Variants in KHDRBS3 observed in about 807,000 individuals in gnomAD.
The protein encoded by KHDRBS3 is KH RNA binding domain containing, signal transduction associated 3, also known as KH domain-containing, RNA-binding, signal transduction-associated protein 3.
A neutral mutation model predicts 45.6 loss-of-function variants in KHDRBS3; 23 were observed. That is an observed-to-expected ratio of 0.50 (90% CI 0.36 to 0.72). KHDRBS3 has a LOEUF of 0.72. Ranked by LOEUF, KHDRBS3 falls within the 30% of genes least tolerant of loss-of-function variation. The probability of loss-of-function intolerance (pLI) is 0.00; values close to 1 mark genes in which losing one functional copy is unlikely to be tolerated. For missense variants in KHDRBS3, 352 were observed against 424.8 expected (o/e 0.83, Z 1.51); for synonymous variants, 162 against 156.5 (o/e 1.04, Z -0.26).
intron 7 of KHDRBS3, among the ~76,000 whole-genome samples, chr8:135,620,457 C>T (rs1830092291): frequency 6.6e-6 from 1 of 152,120 alleles, no homozygotes; most frequent in Non-Finnish European, 1.5e-5. Flanking sequence ...TCAGGTCACT[C>T]ACTCATGTAA....
intron 4 of KHDRBS3, among the ~76,000 whole-genome samples, chr8:135,552,281 T>C (rs79126047): frequency 0.046 from 7,043 of 152,174 alleles, 265 homozygotes; most frequent in East Asian, 0.18. Context: ...TGGTGTCTCA[T>C]GGATTTCTTA....
chr8:135,575,737 C>T (rs1348871405), intron 5 of KHDRBS3, among the ~76,000 whole-genome samples: 2 of 152,058 alleles, frequency 1.3e-5, no homozygotes, highest in East Asian at 3.9e-4. Context: ...TTCGTATATC[C>T]TGCATGTGGT....
rs549331160 is a variant in KHDRBS3 at position 135,563,406 on chromosome 8, C to T, written c.611+5819C>T. On this transcript the variant is annotated intron_variant, in intron 5 of 8. Transcript: ENST00000355849. ...CTCAGCATCGCATCCTCAGCATACA[C>T]GGTCAGAGAAGCCCTTGCCGAGCAC... is the stretch of plus-strand genomic sequence containing the variant. Among the ~76,000 whole-genome samples the T allele has an allele frequency of 4.7e-4, 72 of 152,330 alleles. No individual in the cohort carries two copies. The South Asian group carries it at 0.014, about 30-fold the overall frequency.
At chr8:135,542,464 T>C in intron 2 of KHDRBS3, 190 bp from the exon 3 acceptor site, 1 of 497,540 alleles carries the variant, frequency 2.0e-6, no homozygotes, top group Non-Finnish European at 3.6e-6. Context: ...ATATCAGGGT[T>C]TTTTATTTTA....
At chr8:135,620,070 CTTT>C (rs750819164) in intron 7 of KHDRBS3, among the ~76,000 whole-genome samples, 4 of 136,870 alleles carry the variant, frequency 2.9e-5, no homozygotes, top group African/African-American at 2.7e-5. Flanking sequence ...TTAGCAAGGC[CTTT>C]TTTTTTTTTT....
At chr8:135,552,225 C>G (rs961498844) in intron 4 of KHDRBS3, among the ~76,000 whole-genome samples, 7 of 152,008 alleles carry the variant, frequency 4.6e-5, no homozygotes, top group African/African-American at 1.7e-4. Context: ...TTTCTACCCC[C>G]CACCACACCC....
intron 4 of KHDRBS3, among the ~76,000 whole-genome samples, chr8:135,553,548 A>G (rs1826721227): frequency 6.6e-6 from 1 of 152,204 alleles, no homozygotes; most frequent in African/African-American, 2.4e-5. Flanking sequence ...CCCTCAAATA[A>G]TGAACATTGA....
chr8:135,502,660 T>C (rs1245499318), intron 1 of KHDRBS3, among the ~76,000 whole-genome samples: 1 of 152,198 alleles, frequency 6.6e-6, no homozygotes, highest in African/African-American at 2.4e-5. Context: ...TTTATTGAGC[T>C]CAGCGATGCC....
rs1254651097 is a variant in KHDRBS3 at position 135,482,134 on chromosome 8, G to A, written c.88+24180G>A. Among the ~76,000 whole-genome samples, 7 of 152,178 alleles carry A rather than the reference G, an allele frequency of 4.6e-5. No homozygotes were observed. In the East Asian group the frequency reaches 1.3e-3, roughly 29 times the overall value. The stretch of plus-strand genomic sequence containing the variant: ...TTTTCAGAATTTGGAAAAGCTGTTG[G>A]AGAAGCACTTCTTTCTGGTTTTCTT... On this transcript the variant is annotated intron_variant, in intron 1 of 8. Transcript: ENST00000355849.
chr8:135,493,868 A>G (rs796115688), intron 1 of KHDRBS3, among the ~76,000 whole-genome samples: 9 of 152,282 alleles, frequency 5.9e-5, no homozygotes, highest in African/African-American at 2.2e-4. Context: ...ACATGAGTTC[A>G]CCAGTGAAGC....
At chr8:135,507,911 G>A (rs569004407) in intron 1 of KHDRBS3, among the ~76,000 whole-genome samples, 1 of 152,274 alleles carries the variant, frequency 6.6e-6, no homozygotes, top group African/African-American at 2.4e-5. Flanking sequence ...GTATATTTCT[G>A]CTGTAATTGT....
Position 135,479,529 on chromosome 8 carries a change from T to A in KHDRBS3, c.88+21575T>A, listed in dbSNP as rs61348869. Among the ~76,000 whole-genome samples, 26 of 152,296 alleles carry A rather than the reference T, an allele frequency of 1.7e-4. 1 individual carries two copies. In the East Asian group the frequency reaches 4.6e-3, roughly 27 times the overall value. ...GCTCAGAGTTCTGGAGGGTGGAAAGTCCAAGATTAAGGTGCTGAGAAATTC... is the reference window on the plus strand; with the variant it reads ...GCTCAGAGTTCTGGAGGGTGGAAAGACCAAGATTAAGGTGCTGAGAAATTC... On this transcript the variant is annotated intron_variant, in intron 1 of 8. Transcript: ENST00000355849.
At chr8:135,578,459 T>C (rs563861438) in intron 5 of KHDRBS3, among the ~76,000 whole-genome samples, 1 of 152,256 alleles carries the variant, frequency 6.6e-6, no homozygotes, top group South Asian at 2.1e-4. Flanking sequence ...CACTTGTTCC[T>C]ATACCATTTG....
chr8:135,572,830 A>G (rs947392203), intron 5 of KHDRBS3, among the ~76,000 whole-genome samples: 11 of 152,234 alleles, frequency 7.2e-5, no homozygotes, highest in African/African-American at 2.4e-4. Context: ...GTAAGAGACT[A>G]TAACTGTAGG....
At position 135,521,343 on chromosome 8, in the gene KHDRBS3, A is replaced by G; in HGVS notation, c.195A>G (p.Lys65=). ...GACAGAAAGTGTTAATTCCCGTAAA[A>G]CAGTTCCCTAAGGTAAGACAGTGAG... The part of the protein sequence containing the change: ...KLGQKVLIPV[K]QFPKFNFVGK... The change falls in exon 2 of 9, where the codon AAA becomes AAG. Residue 65 remains lysine, a synonymous_variant. Coordinates refer to ENST00000355849, the MANE Select transcript of KHDRBS3 (RefSeq NM_006558.3). The G allele has an allele frequency of 1.3e-6, 2 of 1,595,530 alleles. No individual in the cohort carries two copies. Among genetic ancestry groups the G allele is most frequent in the South Asian group, 2.2e-5 (2 of 90,628 alleles).
intron 5 of KHDRBS3, among the ~76,000 whole-genome samples, 165 bp downstream of exon 5, chr8:135,557,752 G>A (rs1369225164): frequency 3.9e-5 from 6 of 152,108 alleles, no homozygotes; most frequent in East Asian, 1.9e-4. Context: ...CCAGGAGTTC[G>A]AGGCCATGGT....
chr8:135,547,486 C>T (rs1315025253), intron 3 of KHDRBS3, among the ~76,000 whole-genome samples: 1 of 152,164 alleles, frequency 6.6e-6, no homozygotes, highest in Non-Finnish European at 1.5e-5. Flanking sequence ...TCTAAACTCA[C>T]ATGGCTAGTG....
intron 7 of KHDRBS3, among the ~76,000 whole-genome samples, chr8:135,611,692 C>G (rs941824731): frequency 1.3e-5 from 2 of 151,980 alleles, no homozygotes; most frequent in Non-Finnish European, 2.9e-5. Flanking sequence ...AGAACCCACT[C>G]TAAAGGCCTC....
At chr8:135,597,586 A>T (rs979477783) in intron 6 of KHDRBS3, among the ~76,000 whole-genome samples, 2 of 151,904 alleles carry the variant, frequency 1.3e-5, no homozygotes, top group African/African-American at 4.8e-5. Flanking sequence ...CTTATATACC[A>T]TATATTTTGC....
Sources: gnomAD v4.1 joint callset for allele counts (sites outside exome capture counted in the v4.1 genomes callset) on GRCh38, gnomAD v4.1.1 for gene constraint, MANE v1.5 for transcripts, NCBI Gene and HGNC (gene_info 2026-07-23, HGNC 2026-07-21) for gene names.